Variants in GLI2 observed in about 807,000 individuals in gnomAD.
The protein encoded by GLI2 is transcription activator GLI2.
GLI2 carries 22 observed loss-of-function variants against 78.9 expected under a neutral mutation model. The observed-to-expected ratio is 0.28, with a 90% confidence interval of 0.20 to 0.40. GLI2 has a LOEUF of 0.40. GLI2 is among the 10% of genes least tolerant of loss of function. GLI2 has a pLI of 1.00. For missense variants in GLI2, 2,097 were observed against 2,213.2 expected (o/e 0.95, Z 1.05); for synonymous variants, 974 against 963.7 (o/e 1.01, Z -0.20).
At chr2:120,799,707 G>A (rs191812012) in intron 2 of GLI2, among the ~76,000 whole-genome samples, 190 of 152,288 alleles carry the variant, frequency 1.2e-3, no homozygotes, top group Non-Finnish European at 1.9e-3. Context: ...TTATGATCTT[G>A]GAACTTCGGG....
At chr2:120,768,956 T>G (rs959706984) in intron 1 of GLI2, among the ~76,000 whole-genome samples, 8 of 152,166 alleles carry the variant, frequency 5.3e-5, no homozygotes, top group African/African-American at 1.9e-4. Context: ...AGCTGACCAT[T>G]CTTTTAGCTC....
chr2:120,857,869 T>C (rs1310991257), intron 2 of GLI2, among the ~76,000 whole-genome samples: 2 of 147,490 alleles, frequency 1.4e-5, no homozygotes, highest in East Asian at 4.4e-4. Context: ...TTTCTGATAC[T>C]CTGCTTGTTT....
chr2:120,931,850 G>T (rs1408793979), intron 3 of GLI2, among the ~76,000 whole-genome samples: 1 of 152,184 alleles, frequency 6.6e-6, no homozygotes, highest in Admixed American at 6.5e-5. Context: ...GGCTAGTCTG[G>T]TTAAGCCCCA....
intron 2 of GLI2, among the ~76,000 whole-genome samples, chr2:120,877,425 G>A (rs188379383): frequency 6.6e-6 from 1 of 152,302 alleles, no homozygotes; most frequent in East Asian, 1.9e-4. Flanking sequence ...GGAGGGCGTG[G>A]TGAATTTTTG....
At position 120,737,945 on chromosome 2, in the gene GLI2, C is replaced by T. The variant is rs1164290164; in HGVS notation, c.-31+1660C>T. On this transcript the variant is annotated intron_variant, in intron 1 of 13. Coordinates refer to ENST00000361492, the MANE Select transcript of GLI2 (RefSeq NM_001374353.1). The surrounding 1 kb of genome is among the most constrained non-coding windows in gnomAD (Gnocchi z 4.3). ...CCTGATGAGACCAGTTTGTTCCAGC[C>T]ACCTCACCTGCCAGCTTTCTCTCCG... Among the ~76,000 whole-genome samples, 2 of 152,220 alleles carry T rather than the reference C, an allele frequency of 1.3e-5. No homozygotes were observed. Among genetic ancestry groups the T allele is most frequent in the Non-Finnish European group, 1.5e-5 (1 of 68,036 alleles).
intron 4 of GLI2, among the ~76,000 whole-genome samples, chr2:120,953,639 C>T (rs1329861167): frequency 1.3e-5 from 2 of 152,202 alleles, no homozygotes; most frequent in Non-Finnish European, 2.9e-5. Flanking sequence ...GAGCACCCTC[C>T]TGGAGATGCT....
Position 120,991,743 on chromosome 2 carries a change from C to T in GLI2, c.*1068C>T, listed in dbSNP as rs1313516707. ...TCACCAGCAGCCCAGTGTTCTCCAC[C>T]AAGCCACAGTGTGCATGCCTGGTAT... On this transcript the variant is annotated 3_prime_UTR_variant, in exon 14 of 14. Transcript: ENST00000361492. 2.0e-5 allele frequency: 3 copies of T among 152,780 alleles called. No homozygotes were observed. The allele number at this position is 152,780 out of a possible 1,614,324, so 9.5% of individuals were successfully genotyped here. A position where few individuals can be genotyped will look rare whatever the true frequency, so the allele number is the denominator to read the frequency against.
At chr2:120,945,650 C>T (rs1357939689) in intron 3 of GLI2, among the ~76,000 whole-genome samples, 1 of 152,190 alleles carries the variant, frequency 6.6e-6, no homozygotes, top group African/African-American at 2.4e-5. Context: ...TCTCTCAGCT[C>T]TGATGTTCTC....
intron 5 of GLI2, among the ~76,000 whole-genome samples, chr2:120,957,531 G>A (rs532813262): frequency 2.6e-5 from 4 of 152,334 alleles, no homozygotes; most frequent in Non-Finnish European, 4.4e-5. Flanking sequence ...TGCCACACCC[G>A]AATGTCAGCT....
At chr2:120,786,128 G>A (rs1366353383) in intron 1 of GLI2, among the ~76,000 whole-genome samples, 1 of 152,188 alleles carries the variant, frequency 6.6e-6, no homozygotes, top group Admixed American at 6.5e-5. Context: ...GAATCAAAAC[G>A]CAGCTCTCCC....
At chr2:120,887,045 C>T (rs941865996) in intron 2 of GLI2, among the ~76,000 whole-genome samples, 2 of 152,162 alleles carry the variant, frequency 1.3e-5, no homozygotes, top group East Asian at 1.9e-4. Flanking sequence ...GTTTTTCCTC[C>T]GTAGGTGCCA....
At chr2:120,932,364 AC>A (rs1176612504) in intron 3 of GLI2, among the ~76,000 whole-genome samples, 1 of 151,382 alleles carries the variant, frequency 6.6e-6, no homozygotes, top group African/African-American at 2.4e-5. Flanking sequence ...AAGCACCCAG[AC>A]CCCCTCCCCG....
At chr2:120,987,514 G>T (rs1683035408) in intron 13 of GLI2, among the ~76,000 whole-genome samples, 1 of 152,208 alleles carries the variant, frequency 6.6e-6, no homozygotes, top group Admixed American at 6.5e-5. Flanking sequence ...AGCCATTGGG[G>T]GTCCTGGGCT....
chr2:120,759,739 C>T (rs1683158293), intron 1 of GLI2, among the ~76,000 whole-genome samples: 1 of 152,098 alleles, frequency 6.6e-6, no homozygotes, highest in South Asian at 2.1e-4. Context: ...CAGCCCCTGT[C>T]CCCGCCCCCG....
At chr2:120,788,507 C>T (rs976363873) in intron 1 of GLI2, among the ~76,000 whole-genome samples, 5 of 152,182 alleles carry the variant, frequency 3.3e-5, no homozygotes, top group South Asian at 4.1e-4. Flanking sequence ...TAGGTCTTAC[C>T]CACAGCTTCC....
intron 2 of GLI2, among the ~76,000 whole-genome samples, chr2:120,821,132 T>C (rs895489): frequency 0.99 from 150,684 of 152,156 alleles, 74,620 homozygotes; most frequent in Middle Eastern, 1. Flanking sequence ...CGTGGGCGGC[T>C]GAGCTCGCAG....
At chr2:120,949,638 GA>G (rs1680881794) in intron 3 of GLI2, among the ~76,000 whole-genome samples, 1 of 152,218 alleles carries the variant, frequency 6.6e-6, no homozygotes, top group Non-Finnish European at 1.5e-5. Flanking sequence ...TAGGGTGCAG[GA>G]AGGCATTGGA....
chr2:120,744,659 C>T (rs1682645757), intron 1 of GLI2, among the ~76,000 whole-genome samples: 1 of 152,162 alleles, frequency 6.6e-6, no homozygotes, highest in Admixed American at 6.5e-5. Context: ...ACTTTAACTA[C>T]CAGATTCCTT....
At chr2:120,849,837 A>G (rs932618199) in intron 2 of GLI2, among the ~76,000 whole-genome samples, 5 of 152,218 alleles carry the variant, frequency 3.3e-5, no homozygotes, top group Non-Finnish European at 2.9e-5. Flanking sequence ...CCTCCCACCC[A>G]TTGGTATCCT....
Sources: allele counts gnomAD v4.1 joint callset (sites outside exome capture counted in the v4.1 genomes callset), GRCh38; gene constraint gnomAD v4.1.1; non-coding constraint Gnocchi (gnomAD v3.1); transcripts MANE v1.5; gene names NCBI Gene and HGNC (gene_info 2026-07-23, HGNC 2026-07-21).